SPIRE2: variants seen among roughly 807,000 people sequenced by gnomAD.
The protein encoded by SPIRE2 is spire type actin nucleation factor 2.
A neutral mutation model predicts 80.7 loss-of-function variants in SPIRE2; 76 were observed. That is an observed-to-expected ratio of 0.94 (90% CI 0.78 to 1.14). The LOEUF (loss-of-function observed/expected upper bound fraction) is 1.14. Among genes scored for constraint, SPIRE2 ranks in the 50% most tolerant of loss-of-function variants. SPIRE2 has a pLI of 0.00. For missense variants in SPIRE2, 1,196 were observed against 1,015.3 expected, an observed-to-expected ratio of 1.18 and a Z score of -2.42; for synonymous variants, 535 against 432.6, an observed-to-expected ratio of 1.24 and a Z score of -2.94.
intron 7 of SPIRE2, among the ~76,000 whole-genome samples, chr16:89,856,635 GT>G (rs1428207497): frequency 3.5e-5 from 4 of 115,212 alleles, no homozygotes; most frequent in Non-Finnish European, 5.3e-5. Flanking sequence ...TTTTTTTGTA[GT>G]TTTAGTAGAG....
chr16:89,839,206 T>C (rs1469617502), intron 1 of SPIRE2, among the ~76,000 whole-genome samples: 5 of 151,444 alleles, frequency 3.3e-5, no homozygotes, highest in Non-Finnish European at 7.4e-5. Flanking sequence ...TACAAAAAAA[T>C]TACTAAAAAT....
chr16:89,845,932 T>A (rs1440851141), intron 2 of SPIRE2: 1 of 377,754 alleles, frequency 2.6e-6, no homozygotes, highest in African/African-American at 2.1e-5. Flanking sequence ...AGTCGCGCTC[T>A]GTCGCCCAGG....
In SPIRE2 at chr16:89,863,199, C is replaced by G. The variant is rs1454248196; in HGVS notation, c.1576-277C>G. The G allele has an allele frequency of 4.1e-6, 2 of 490,240 alleles. No individual in the cohort carries two copies. The highest frequency in any genetic ancestry group is 3.7e-5 in the East Asian group (1 of 27,030). The allele number at this position is 490,240 out of a possible 1,614,324, so 30.4% of individuals were successfully genotyped here. On this transcript the variant is annotated intron_variant, in intron 10 of 14. Transcript: ENST00000378247. The surrounding 1 kb of genome is among the most constrained non-coding windows in gnomAD (Gnocchi z 4.3). ...TGTTTGCAGGCAGGGACACCTTGAACAGACATGGGCTGAGGGGAGTTTGTG... is the reference window on the plus strand; with the variant it reads ...TGTTTGCAGGCAGGGACACCTTGAAGAGACATGGGCTGAGGGGAGTTTGTG...
chr16:89,850,193 G>T, intron 2 of SPIRE2, 111 bp from the exon 3 acceptor site: 1 of 891,342 alleles, frequency 1.1e-6, no homozygotes, highest in South Asian at 1.4e-5. Context: ...CTTGTGGACC[G>T]ACAGCTGCTG....
At chr16:89,836,480 T>C (rs2041450755) in intron 1 of SPIRE2, 1 of 303,290 alleles carries the variant, frequency 3.3e-6, no homozygotes, top group South Asian at 2.9e-5. Flanking sequence ...CTCATTTTAA[T>C]GCATTTCAGG....
chr16:89,845,206 T>C, intron 1 of SPIRE2, 116 bp from the exon 2 acceptor site: 1 of 931,572 alleles, frequency 1.1e-6, no homozygotes, highest in Non-Finnish European at 1.7e-6. Flanking sequence ...CTTTCTGGTG[T>C]TCCGGCGGAG....
At chr16:89,844,473 C>CT (rs2041537984) in intron 1 of SPIRE2, among the ~76,000 whole-genome samples, 1 of 151,330 alleles carries the variant, frequency 6.6e-6, no homozygotes, top group African/African-American at 2.4e-5. Context: ...GAGTCTCACT[C>CT]TGTTGCCCAG....
chr16:89,840,439 C>G (rs1405653361), intron 1 of SPIRE2, among the ~76,000 whole-genome samples: 1 of 150,088 alleles, frequency 6.7e-6, no homozygotes, highest in Non-Finnish European at 1.5e-5. Context: ...TTAGTAGAGA[C>G]GGGGTTTCAC....
rs929857655 is a variant in SPIRE2, at chr16:89,831,606, C to T, written c.244+2812C>T. Reference sequence around the variant, plus strand: ...TAGAGACTGGGTTTCACTGTGTTAGCCAGAATGGTCTCGATCTCCTGACCT... The same window carrying T: ...TAGAGACTGGGTTTCACTGTGTTAGTCAGAATGGTCTCGATCTCCTGACCT... On this transcript the variant is annotated intron_variant, in intron 1 of 14. Transcript: ENST00000378247. 1.5e-4 allele frequency among the ~76,000 whole-genome samples: 22 copies of T among 150,476 alleles called. 1 individual carries two copies. The highest frequency in any genetic ancestry group is 2.1e-4 in the Non-Finnish European group (14 of 67,118).
At position 89,853,028 on chromosome 16, in the gene SPIRE2, A is replaced by G. The variant is rs796139086; in HGVS notation, c.646-1258A>G. 1.6e-3 allele frequency among the ~76,000 whole-genome samples: 226 copies of G among 141,446 alleles called. 2 individuals carry two copies. The highest frequency in any genetic ancestry group is 2.6e-3 in the South Asian group (11 of 4,298). The allele number at this position is 141,446 out of a possible 152,430, so 92.8% of individuals were successfully genotyped here. ...TCTCACCCTCAAGATCCCATGGCCC[A>G]TCTTCCGTCCTCTCTCTCAGCTCCC... On this transcript the variant is annotated intron_variant, in intron 3 of 14. Transcript: ENST00000378247.
rs761429197 is a variant in SPIRE2 at position 89,850,338 on chromosome 16, C to T, written c.323C>T (p.Ala108Val). Reference sequence around the variant, plus strand: ...TCCCTCGGCTTCGCCATCTACCGCGCGCTGGACTGGGGGCTGGACGAGAGC... The same window carrying T: ...TCCCTCGGCTTCGCCATCTACCGCGTGCTGGACTGGGGGCTGGACGAGAGC... ...VQSLGFAIYR[A>V]LDWGLDESEE... Residue 108 changes from alanine to valine, a missense_variant, in exon 3 of 15, where the codon GCG (alanine) becomes GTG (valine). Coordinates refer to ENST00000378247, the MANE Select transcript of SPIRE2 (RefSeq NM_032451.2). The T allele has an allele frequency of 5.6e-6, 9 of 1,601,160 alleles. No individual in the cohort carries two copies. Among genetic ancestry groups the T allele is most frequent in the East Asian group, 2.3e-5 (1 of 44,352 alleles).
In SPIRE2 at chr16:89,870,882, T is replaced by TCACC. The variant is rs1484631319; in HGVS notation, c.*610_*611insCACC. On this transcript the variant is annotated 3_prime_UTR_variant, in exon 15 of 15. Coordinates refer to ENST00000378247, the MANE Select transcript of SPIRE2 (RefSeq NM_032451.2). The stretch of plus-strand genomic sequence containing the variant: ...GGGAGGATCACCTGAGGTCAGGAGT[T>TCACC]TGAGACCAGCCTGGCCAACATGATG... The TCACC allele has an allele frequency of 1.3e-5, 2 of 153,652 alleles. No homozygotes were observed. Among genetic ancestry groups the TCACC allele is most frequent in the Non-Finnish European group, 2.9e-5 (2 of 69,042 alleles). 9.5% of individuals were successfully genotyped at this position (153,652 alleles called of 1,614,324 possible).
chr16:89,856,263 G>C (rs909201402), intron 7 of SPIRE2, 27 bp downstream of exon 7: 2 of 1,544,110 alleles, frequency 1.3e-6, no homozygotes, highest in African/African-American at 1.4e-5. Context: ...CAGGAGAAGA[G>C]AGCCCTGAGC....
intron 1 of SPIRE2, among the ~76,000 whole-genome samples, chr16:89,842,894 T>A (rs745968271): frequency 6.6e-6 from 1 of 152,262 alleles, no homozygotes; most frequent in Non-Finnish European, 1.5e-5. Context: ...TTGCTTTCCA[T>A]TATGTTAATG....
chr16:89,851,839 T>C (rs776049846), intron 3 of SPIRE2, among the ~76,000 whole-genome samples: 9 of 152,102 alleles, frequency 5.9e-5, no homozygotes, highest in Admixed American at 1.3e-4. Context: ...AGTGCTGGTC[T>C]GTCATTCCTC....
At chr16:89,854,822 C>A (rs2041674197) in intron 5 of SPIRE2, among the ~76,000 whole-genome samples, 171 bp downstream of exon 5, 2 of 152,174 alleles carry the variant, frequency 1.3e-5, no homozygotes, top group South Asian at 4.1e-4. Context: ...AGATGTGGTC[C>A]CAATTCCCAC....
chr16:89,852,111 C>T (rs1413537303), intron 3 of SPIRE2, among the ~76,000 whole-genome samples: 1 of 68,284 alleles, frequency 1.5e-5, no homozygotes, highest in African/African-American at 6.3e-5. Flanking sequence ...CCCACCAGAT[C>T]CCATGGCCCA....
chr16:89,860,946 G>A (rs757440844), intron 10 of SPIRE2, 151 bp downstream of exon 10: 2 of 423,778 alleles, frequency 4.7e-6, no homozygotes, highest in Non-Finnish European at 7.7e-6. Context: ...GTCTGAACAT[G>A]GGGCACCAGT....
intron 12 of SPIRE2, among the ~76,000 whole-genome samples, chr16:89,867,424 T>C (rs1029110066): frequency 6.6e-6 from 1 of 152,014 alleles, no homozygotes; most frequent in Non-Finnish European, 1.5e-5. Flanking sequence ...ATTACAGGCG[T>C]GAGGCATCGC....
Sources: gnomAD v4.1 joint callset for allele counts (sites outside exome capture counted in the v4.1 genomes callset) on GRCh38, gnomAD v4.1.1 for gene constraint, Gnocchi (gnomAD v3.1) non-coding constraint, MANE v1.5 for transcripts, NCBI Gene and HGNC (gene_info 2026-07-23, HGNC 2026-07-21) for gene names.